SLC25A41: variants seen among roughly 807,000 people sequenced by gnomAD.
SLC25A41 encodes the protein solute carrier family 25 member 41, also known as mitochondrial carrier protein SCaMC-3L.
Under a neutral mutation model 34.7 loss-of-function variants are expected in SLC25A41, and 35 were observed. The observed-to-expected ratio is 1.01, with a 90% CI of 0.77 to 1.34. The LOEUF is 1.34. Among genes scored for constraint, SLC25A41 ranks in the 40% most tolerant of loss-of-function variants. SLC25A41 has a pLI of 0.00. For missense variants in SLC25A41, 492 were observed against 489.8 expected (o/e 1.00, Z -0.04); for synonymous variants, 190 against 209.9 (o/e 0.91, Z 0.82).
Position 6,433,495 on chromosome 19 carries a change from A to G in SLC25A41, c.199T>C (p.Ser67Pro), listed in dbSNP as rs1002873187. ...MHDNNLEHLP[S>P]QQVLDTGEQL... ...GTGTTTCCTAAACTCACCTGCTGTGACGGGAGATGTTCAAGGTTGTTGTCA... is the reference window on the plus strand; with the variant it reads ...GTGTTTCCTAAACTCACCTGCTGTGGCGGGAGATGTTCAAGGTTGTTGTCA... Residue 67 changes from serine (S) to proline (P), a missense_variant, in exon 1 of 7, where the codon TCA becomes CCA. Physicochemically the swap from Ser to Pro is moderately conservative, Grantham distance 74. Coordinates refer to ENST00000321510, the MANE Select transcript of SLC25A41 (RefSeq NM_173637.4). 129 of 1,612,254 alleles carry G rather than the reference A, an allele frequency of 8.0e-5. No homozygotes were observed. Among genetic ancestry groups the G allele is most frequent in the Non-Finnish European group, 1.1e-4 (125 of 1,179,806 alleles).
chr19:6,432,198 C>G lies in SLC25A41; in HGVS notation c.214G>C (p.Asp72His). 6.2e-7 allele frequency: 1 copy of G among 1,613,342 alleles called. No individual in the cohort carries two copies. Among genetic ancestry groups the G allele is most frequent in the Non-Finnish European group, 8.5e-7 (1 of 1,179,540 alleles). ...LEHLPSQQVLDTGEQLMVPVE... is the reference protein window; with the variant it reads ...LEHLPSQQVLHTGEQLMVPVE... Reference sequence around the variant, plus strand: ...GGGACCATCAGCTGCTCTCCTGTGTCCAGTACCTGCAGGGCAGACCCGGCC... The same window carrying G: ...GGGACCATCAGCTGCTCTCCTGTGTGCAGTACCTGCAGGGCAGACCCGGCC... The change falls in exon 2 of 7, where the codon GAC (aspartate) becomes CAC (histidine). Residue 72 changes from aspartate (D) to histidine (H), a missense_variant. Transcript: ENST00000321510.
chr19:6,431,997 C>T, intron 2 of SLC25A41, 52 bp downstream of exon 2: 1 of 1,569,294 alleles, frequency 6.4e-7, no homozygotes, highest in Non-Finnish European at 8.6e-7. Flanking sequence ...ACCCCACGTT[C>T]TCCCCAGTGG....
upstream of SLC25A41, among the ~76,000 whole-genome samples, chr19:6,434,951 C>T (rs977657192): frequency 2.0e-5 from 3 of 151,154 alleles, no homozygotes; most frequent in South Asian, 2.1e-4. Context: ...GGCTGGGCGC[C>T]GTGGCTCATT....
upstream of SLC25A41, among the ~76,000 whole-genome samples, chr19:6,435,541 T>TA (rs2092306165): frequency 6.6e-6 from 1 of 151,910 alleles, no homozygotes. Flanking sequence ...GCCAACATGA[T>TA]AAAACCCCGT....
chr19:6,432,622 A>C (rs1390703468), intron 1 of SLC25A41, among the ~76,000 whole-genome samples: 1 of 147,040 alleles, frequency 6.8e-6, no homozygotes, highest in Admixed American at 6.9e-5. Flanking sequence ...ACAGAGTCTC[A>C]CTCTATCGCC....
At chr19:6,430,492 CTTT>C (rs749613686) in intron 2 of SLC25A41, 2,039 of 353,808 alleles carry the variant, frequency 5.8e-3, no homozygotes, top group South Asian at 7.3e-3. Context: ...TCCCTTCCTT[CTTT>C]TTTTTTTTTT....
Position 6,427,476 on chromosome 19 carries a change from C to T in SLC25A41, c.650G>A (p.Arg217His), listed in dbSNP as rs374633020. 1.5e-4 allele frequency: 227 copies of T among 1,562,492 alleles called. 1 individual carries two copies. The highest frequency in any genetic ancestry group is 1.7e-4 in the Non-Finnish European group (199 of 1,149,640). ...MEVLKTRLTL[R>H]RTGQYKGLLD... ...CAGCCCCTTGTACTGGCCCGTCCGA[C>T]GCAAGGTCAACCGCGTCTTCAGCAC... Residue 217 changes from arginine (R) to histidine (H), a missense_variant, in exon 5 of 7, where the codon CGT becomes CAT. Arg to His is a conservative substitution (Grantham distance 29, BLOSUM62 0). Transcript: ENST00000321510. The surrounding 1 kb of genome is among the most constrained non-coding windows in gnomAD (Gnocchi z 4.9).
Position 6,427,053 on chromosome 19 carries a change from G to A in SLC25A41, c.940+50C>T, listed in dbSNP as rs1361154808. ...GGGTATGAGAAAATTGAGACAGCCAGGGTGGGGCGGGGAAGGGGCATGCGT... is the reference window on the plus strand; with the variant it reads ...GGGTATGAGAAAATTGAGACAGCCAAGGTGGGGCGGGGAAGGGGCATGCGT... On this transcript the variant is annotated intron_variant, in intron 6 of 6. Coordinates refer to ENST00000321510, the MANE Select transcript of SLC25A41 (RefSeq NM_173637.4). The surrounding 1 kb of genome is among the most constrained non-coding windows in gnomAD (Gnocchi z 4.9). 6.5e-7 allele frequency: 1 copy of A among 1,545,114 alleles called. No individual in the cohort carries two copies. Among genetic ancestry groups the A allele is most frequent in the Non-Finnish European group, 8.8e-7 (1 of 1,142,190 alleles).
intron 4 of SLC25A41, among the ~76,000 whole-genome samples, chr19:6,429,364 AGGAG>A: frequency 2.4e-4 from 1 of 4,232 alleles, no homozygotes; most frequent in Non-Finnish European, 5.4e-4. Flanking sequence ...GGGAGAAAGG[AGGAG>A]GGAGAAAGGA....
At position 6,433,568 on chromosome 19, in the gene SLC25A41, C is replaced by A. The variant is rs150906124; in HGVS notation, c.126G>T (p.Trp42Cys). Residue 42 changes from tryptophan (W) to cysteine (C), a missense_variant, in exon 1 of 7, where the codon TGG becomes TGT. By Grantham distance (215) the Trp-to-Cys change is radical. Coordinates refer to ENST00000321510, the MANE Select transcript of SLC25A41 (RefSeq NM_173637.4). ...PPQPPPPPPS[W>C]NPGCTHVYGY... ...CATACACGTGTGTACAGCCAGGGTTCCAGGATGGGGGTGGAGGCGGAGGTT... is the reference window on the plus strand; with the variant it reads ...CATACACGTGTGTACAGCCAGGGTTACAGGATGGGGGTGGAGGCGGAGGTT... 1 of 1,613,154 alleles carries A rather than the reference C, an allele frequency of 6.2e-7. No homozygotes were observed. Among genetic ancestry groups the A allele is most frequent in the African/African-American group, 1.3e-5 (1 of 74,782 alleles).
At chr19:6,434,664 T>A (rs912597689), upstream of SLC25A41, among the ~76,000 whole-genome samples, 1 of 152,142 alleles carries the variant, frequency 6.6e-6, no homozygotes, top group Non-Finnish European at 1.5e-5. Context: ...ATCCCAGCAC[T>A]TTGGGAGGCC....
chr19:6,436,211 C>G (rs2860185), upstream of SLC25A41: 2 of 280,848 alleles, frequency 7.1e-6, no homozygotes, highest in Non-Finnish European at 1.5e-5. Flanking sequence ...ACTCAGGAGC[C>G]GCTGAGCCGG....
intron 2 of SLC25A41, chr19:6,430,492 CT>C (rs749613686): frequency 0.17 from 58,750 of 347,200 alleles, 4 homozygotes; most frequent in South Asian, 0.25. Flanking sequence ...TCCCTTCCTT[CT>C]TTTTTTTTTT....
chr19:6,432,473 A>ATTTTTTTTT (rs34519561), intron 1 of SLC25A41, among the ~76,000 whole-genome samples: 3 of 80,978 alleles, frequency 3.7e-5, no homozygotes, highest in African/African-American at 1.6e-4. Context: ...ACAACACCTA[A>ATTTTTTTTT]TTTTTTTTTT....
In SLC25A41 at chr19:6,432,078, G is replaced by A. The variant is rs373323560; in HGVS notation, c.334C>T (p.Pro112Ser). 6.2e-7 allele frequency: 1 copy of A among 1,613,588 alleles called. No individual in the cohort carries two copies. Among genetic ancestry groups the A allele is most frequent in the Non-Finnish European group, 8.5e-7 (1 of 1,179,694 alleles). Residue 112 changes from proline (P) to serine (S), a missense_variant, in exon 2 of 7, where the codon CCT becomes TCT. Pro to Ser is a moderately conservative substitution (Grantham distance 74). Coordinates refer to ENST00000321510, the MANE Select transcript of SLC25A41 (RefSeq NM_173637.4). Reference protein sequence around the residue: ...AGAVSRTGTAPLDRAKVYMQV... With the variant: ...AGAVSRTGTASLDRAKVYMQV... ...ATGTACACCTTGGCTCTGTCCAGAG[G>A]TGCCGTGCCCGTGCGAGACACCGCC... is the stretch of plus-strand genomic sequence containing the variant.
upstream of SLC25A41, among the ~76,000 whole-genome samples, chr19:6,435,156 G>A (rs996841376): frequency 2.0e-5 from 3 of 149,924 alleles, no homozygotes; most frequent in Admixed American, 2.0e-4. Context: ...CTTGGGAGGT[G>A]GAGGCTGCAG....
chr19:6,432,875 C>G (rs1294066572), intron 1 of SLC25A41, among the ~76,000 whole-genome samples: 1 of 151,894 alleles, frequency 6.6e-6, no homozygotes, highest in Non-Finnish European at 1.5e-5. Context: ...ACCATGTTGG[C>G]CAGGCTGGTC....
intron 2 of SLC25A41, 43 bp from the exon 3 acceptor site, chr19:6,430,204 G>A (rs1742401779): frequency 1.3e-6 from 2 of 1,562,214 alleles, no homozygotes; most frequent in Admixed American, 1.9e-5. Context: ...GCTCGCCTCT[G>A]TCTCCGTCCC....
At chr19:6,429,183 TA>T in intron 4 of SLC25A41, among the ~76,000 whole-genome samples, 1 of 79,224 alleles carries the variant, frequency 1.3e-5, no homozygotes, top group Non-Finnish European at 2.3e-5. Flanking sequence ...ATAATATATA[TA>T]TGTTATATAT....
Sources: allele counts gnomAD v4.1 joint callset (sites outside exome capture counted in the v4.1 genomes callset), GRCh38; gene constraint gnomAD v4.1.1; non-coding constraint Gnocchi (gnomAD v3.1); transcripts MANE v1.5; gene names NCBI Gene and HGNC (gene_info 2026-07-23, HGNC 2026-07-21).